Variants in SOCS7 observed in about 807,000 individuals in gnomAD.
SOCS7 encodes the protein NAP-4.
In SOCS7, 18 loss-of-function variants were observed where a neutral mutation model predicts 58.9. The ratio of observed to expected loss-of-function variants is 0.31; its 90% CI spans 0.21 to 0.45. The LOEUF is 0.45. SOCS7 is among the 20% of genes least tolerant of loss of function. The probability of loss-of-function intolerance (pLI) is 1.00; values close to 1 mark genes in which losing one functional copy is unlikely to be tolerated. For synonymous variants in SOCS7, 388 were observed against 364.3 expected (o/e 1.06, Z -0.74); for missense variants, 667 against 837.3 (o/e 0.80, Z 2.51).
At chr17:38,393,529 C>T (rs761697669) in intron 7 of SOCS7, among the ~76,000 whole-genome samples, 1 of 151,922 alleles carries the variant, frequency 6.6e-6, no homozygotes, top group Non-Finnish European at 1.5e-5. Flanking sequence ...CCCAGCTACT[C>T]GAGAGGCTAA....
chr17:38,352,355 CA>C lies in SOCS7; in HGVS notation c.305del (p.Lys102ArgfsTer19). 6.9e-7 allele frequency: 1 copy of C among 1,456,770 alleles called. No individual in the cohort carries two copies. Among genetic ancestry groups the C allele is most frequent in the South Asian group, 1.4e-5 (1 of 72,894 alleles). 90.2% of individuals were successfully genotyped at this position (1,456,770 alleles called of 1,614,324 possible). ...CPRHRCALDP[K>X]ALPPGLALER... ...CCCGGCACCGCTGTGCCCTGGACCC[CA>C]AGGCCCTGCCGCCGGGCTTGGCGCT... On this transcript the variant is annotated frameshift_variant, in exon 1 of 10. Coordinates refer to ENST00000612932, the MANE Select transcript of SOCS7 (RefSeq NM_014598.4). LOFTEE classifies it high-confidence loss of function. This position sits in a 1 kb window ranked among gnomAD's most constrained non-coding sequence, Gnocchi z 5.5.
chr17:38,373,239 A>G (rs2037890618), intron 6 of SOCS7, among the ~76,000 whole-genome samples: 1 of 152,216 alleles, frequency 6.6e-6, no homozygotes, highest in South Asian at 2.1e-4. Context: ...AATGCCGGCA[A>G]TGGATGGTTT....
Position 38,371,946 on chromosome 17 carries a change from C to T in SOCS7, c.1552+3896C>T, listed in dbSNP as rs369847508. ...GGTTTTAAAGTTAAAGAAGGAAAGACTTAGATTTCTATTTTTTGCACTCAA... is the reference window on the plus strand; with the variant it reads ...GGTTTTAAAGTTAAAGAAGGAAAGATTTAGATTTCTATTTTTTGCACTCAA... On this transcript the variant is annotated intron_variant, in intron 6 of 9. Coordinates refer to ENST00000612932, the MANE Select transcript of SOCS7 (RefSeq NM_014598.4). Among the ~76,000 whole-genome samples the T allele has an allele frequency of 5.3e-5, 8 of 151,812 alleles. No homozygotes were observed. In the South Asian group the frequency reaches 1.5e-3, roughly 28 times the overall value.
intron 6 of SOCS7, among the ~76,000 whole-genome samples, chr17:38,372,877 C>T (rs1272838818): frequency 2.6e-5 from 4 of 152,106 alleles, no homozygotes; most frequent in South Asian, 2.1e-4. Context: ...GAGGCCGAGG[C>T]GGGCGGATCA....
At chr17:38,376,093 A>G (rs1345198826) in intron 6 of SOCS7, 1 of 152,230 alleles carries the variant, frequency 6.6e-6, no homozygotes, top group African/African-American at 2.4e-5. Flanking sequence ...ACCAGTATTA[A>G]ACAGTGAAAT....
At chr17:38,390,200 C>T (rs1200715512) in intron 7 of SOCS7, among the ~76,000 whole-genome samples, 5 of 152,100 alleles carry the variant, frequency 3.3e-5, no homozygotes, top group African/African-American at 1.2e-4. Context: ...ATTGAATTGT[C>T]TTGGCATCTT....
chr17:38,374,308 CG>C (rs748050188), intron 6 of SOCS7, among the ~76,000 whole-genome samples: 53 of 152,224 alleles, frequency 3.5e-4, no homozygotes, highest in Admixed American at 7.9e-4. Flanking sequence ...GAGGCCAAGG[CG>C]GGCAGATCAC....
rs77974246 is a variant in SOCS7 at position 38,381,971 on chromosome 17, A to C, written c.1681+4129A>C. Among the ~76,000 whole-genome samples, 84 of 146,158 alleles carry C rather than the reference A, an allele frequency of 5.7e-4. 2 individuals carry two copies. The highest frequency in any genetic ancestry group is 2.1e-3 in the African/African-American group (79 of 37,130). On this transcript the variant is annotated intron_variant, in intron 7 of 9. Transcript: ENST00000612932. ...CAAAAAAAAAAAAAAAAAAAAAAAA[A>C]AAACCTAAAAAAACTAAACCCCTAA...
chr17:38,359,709 G>A (rs896376775), intron 1 of SOCS7, among the ~76,000 whole-genome samples: 2 of 150,574 alleles, frequency 1.3e-5, no homozygotes, highest in Non-Finnish European at 3.0e-5. Context: ...TCAATTCTGC[G>A]GTAGGATTTT....
intron 7 of SOCS7, among the ~76,000 whole-genome samples, chr17:38,387,767 GCTTT>G (rs1268573773): frequency 8.2e-6 from 1 of 122,386 alleles, no homozygotes; most frequent in Non-Finnish European, 1.6e-5. Flanking sequence ...ATACTTAATG[GCTTT>G]CTTTTTTTTT....
At chr17:38,377,584 A>T in intron 6 of SOCS7, 130 bp from the exon 7 acceptor site, 2 of 691,736 alleles carry the variant, frequency 2.9e-6, no homozygotes, top group Non-Finnish European at 4.6e-6. Flanking sequence ...GTAGCTTCAG[A>T]GACCTTTGAG....
At chr17:38,355,281 C>CA (rs1555566691) in intron 1 of SOCS7, among the ~76,000 whole-genome samples, 1 of 152,098 alleles carries the variant, frequency 6.6e-6, no homozygotes, top group Non-Finnish European at 1.5e-5. Context: ...TGTTCCTGTC[C>CA]TTATAAGAGT....
At chr17:38,368,649 G>A (rs2037822967) in intron 6 of SOCS7, among the ~76,000 whole-genome samples, 1 of 152,066 alleles carries the variant, frequency 6.6e-6, no homozygotes, top group Non-Finnish European at 1.5e-5. Context: ...TTACAGGCAT[G>A]TGCCACCAGG....
intron 1 of SOCS7, among the ~76,000 whole-genome samples, chr17:38,357,547 T>C (rs941424815): frequency 6.6e-6 from 1 of 152,166 alleles, no homozygotes; most frequent in Non-Finnish European, 1.5e-5. Context: ...CCTCTATAGG[T>C]TCTTTAGTTG....
rs114181337 is a variant in SOCS7, at chr17:38,388,163, G to A, written c.1682-7146G>A. 8.7e-3 allele frequency among the ~76,000 whole-genome samples: 1,328 copies of A among 151,980 alleles called. 22 individuals carry two copies. The highest frequency in any genetic ancestry group is 0.031 in the African/African-American group (1,280 of 41,400). On this transcript the variant is annotated intron_variant, in intron 7 of 9. Transcript: ENST00000612932. ...TAACCAGCAGAAGGCTCTTCATGTCGGGGTATTTTTCCCTCTCTCCCTCCC... is the reference window on the plus strand; with the variant it reads ...TAACCAGCAGAAGGCTCTTCATGTCAGGGTATTTTTCCCTCTCTCCCTCCC...
At chr17:38,389,239 A>C (rs1225729658) in intron 7 of SOCS7, among the ~76,000 whole-genome samples, 1 of 152,172 alleles carries the variant, frequency 6.6e-6, no homozygotes, top group Non-Finnish European at 1.5e-5. Flanking sequence ...TCATTTTATA[A>C]TTGAGCTATT....
intron 9 of SOCS7, among the ~76,000 whole-genome samples, chr17:38,399,230 TAA>T (rs1204594494): frequency 6.6e-6 from 1 of 151,352 alleles, no homozygotes; most frequent in East Asian, 1.9e-4. Context: ...AATGAAGGGG[TAA>T]GGGAAAGGGA....
chr17:38,399,087 CAAAAA>C (rs1212485683), intron 9 of SOCS7, among the ~76,000 whole-genome samples: 3 of 59,638 alleles, frequency 5.0e-5, no homozygotes, highest in Admixed American at 1.9e-4. Flanking sequence ...GACTCCGTCT[CAAAAA>C]AAAAAAAAAA....
In SOCS7 at chr17:38,368,059, T is replaced by TACTG. The variant is rs762105624; in HGVS notation, c.1552+10_1552+13dup. On this transcript the variant is annotated intron_variant, in intron 6 of 9. Transcript: ENST00000612932. The stretch of plus-strand genomic sequence containing the variant: ...AATGGAGCACTACAGAGGTAAGAGA[T>TACTG]ACTGGTAAGAGAGGCTTCTTCCCCC... The TACTG allele has an allele frequency of 6.3e-7, 1 of 1,591,686 alleles. No homozygotes were observed. Among genetic ancestry groups the TACTG allele is most frequent in the Non-Finnish European group, 8.6e-7 (1 of 1,165,376 alleles).
Sources: allele counts gnomAD v4.1 joint callset (sites outside exome capture counted in the v4.1 genomes callset), GRCh38; gene constraint gnomAD v4.1.1; non-coding constraint Gnocchi (gnomAD v3.1); transcripts MANE v1.5; gene names NCBI Gene and HGNC (gene_info 2026-07-23, HGNC 2026-07-21).